Variants in USP34 observed in about 807,000 individuals in gnomAD.
The protein encoded by USP34 is ubiquitin specific peptidase 34.
A neutral mutation model predicts 460.3 loss-of-function variants in USP34; 70 were observed. That is an observed-to-expected ratio of 0.15 (90% CI 0.13 to 0.19). The LOEUF is 0.19. Ranked by LOEUF, USP34 falls within the 10% of genes least tolerant of loss-of-function variation. The pLI, the probability that USP34 is intolerant of heterozygous loss-of-function variation, is 1.00. For synonymous variants in USP34, 1,647 were observed against 1,405.3 expected (o/e 1.17, Z -3.85); for missense variants, 3,985 against 4,236.2 (o/e 0.94, Z 1.65).
chr2:61,461,740 T>C (rs1352839175), intron 1 of USP34, among the ~76,000 whole-genome samples: 1 of 152,166 alleles, frequency 6.6e-6, no homozygotes, highest in East Asian at 1.9e-4. Context: ...AAGATCAATA[T>C]ATCCTTTCTG....
intron 58 of USP34, among the ~76,000 whole-genome samples, chr2:61,231,152 AGT>A (rs1209252468): frequency 6.6e-6 from 1 of 152,234 alleles, no homozygotes; most frequent in East Asian, 1.9e-4. Context: ...AAAGACTAAT[AGT>A]GTATGAGTCC....
chr2:61,440,387 C>G (rs896026701), intron 1 of USP34, among the ~76,000 whole-genome samples: 1 of 152,152 alleles, frequency 6.6e-6, no homozygotes, highest in Non-Finnish European at 1.5e-5. Context: ...AATGTCATGG[C>G]AGCTGTGCCC....
At chr2:61,280,639 G>A (rs937272212) in intron 38 of USP34, among the ~76,000 whole-genome samples, 2 of 151,994 alleles carry the variant, frequency 1.3e-5, no homozygotes, top group East Asian at 1.9e-4. Flanking sequence ...GAATTTCTGG[G>A]GTTAGTAAAA....
At chr2:61,397,537 C>T (rs572439938) in intron 3 of USP34, among the ~76,000 whole-genome samples, 14 of 152,030 alleles carry the variant, frequency 9.2e-5, no homozygotes, top group African/African-American at 2.7e-4. Flanking sequence ...AGGCCAAGGC[C>T]GGCGAATCAC....
In USP34 at chr2:61,223,293, A is replaced by C. The variant is rs1208344970; in HGVS notation, c.7599T>G (p.His2533Gln). ...LLVEQSRSER[H>Q]LTLSQTDMAA... ...CCATGTCAGTCTGTGATAATGTCAA[A>C]TGCCTGAAAGAAAATATTAGTGGAA... The change falls in exon 63 of 80, where the codon CAT becomes CAG. Residue 2533 changes from histidine to glutamine, a missense_variant. His to Gln is a conservative substitution (Grantham distance 24). Transcript: ENST00000398571. 5.6e-6 allele frequency: 9 copies of C among 1,613,494 alleles called. No homozygotes were observed. The African/African-American group carries it at 1.1e-4, about 19-fold the overall frequency.
intron 48 of USP34, among the ~76,000 whole-genome samples, chr2:61,254,836 G>C (rs550521528): frequency 1.3e-5 from 2 of 152,226 alleles, no homozygotes; most frequent in African/African-American, 4.8e-5. Context: ...CGCATTAGTA[G>C]AACAAGTATA....
intron 29 of USP34, among the ~76,000 whole-genome samples, chr2:61,298,137 T>G (rs537662720): frequency 6.6e-6 from 1 of 152,158 alleles, no homozygotes; most frequent in African/African-American, 2.4e-5. Flanking sequence ...AGATACTTTA[T>G]TTTTACTTTT....
rs945174356 is a variant in USP34 at position 61,363,050 on chromosome 2, T to C, written c.1251+7271A>G. ...CCCAATCAAAAATGGGCAAAAGACA[T>C]GAACAGACATTTCTCCGAAGCAAAT... On this transcript the variant is annotated intron_variant, in intron 10 of 79. Coordinates refer to ENST00000398571, the MANE Select transcript of USP34 (RefSeq NM_014709.4). 7.9e-5 allele frequency among the ~76,000 whole-genome samples: 12 copies of C among 152,198 alleles called. 1 individual carries two copies. The East Asian group carries it at 2.3e-3, about 29-fold the overall frequency.
intron 20 of USP34, among the ~76,000 whole-genome samples, chr2:61,329,693 G>A (rs1242164972): frequency 1.3e-5 from 2 of 152,130 alleles, no homozygotes; most frequent in Non-Finnish European, 2.9e-5. Context: ...CAGAATTCTT[G>A]TATATTTCAT....
intron 25 of USP34, among the ~76,000 whole-genome samples, chr2:61,313,947 T>C (rs978358457): frequency 6.6e-5 from 10 of 152,110 alleles, no homozygotes; most frequent in African/African-American, 2.4e-4. Context: ...CTTAGTACTT[T>C]TACATTTGCT....
At chr2:61,287,176 A>G (rs1306485547) in intron 34 of USP34, among the ~76,000 whole-genome samples, 1 of 152,214 alleles carries the variant, frequency 6.6e-6, no homozygotes, top group Non-Finnish European at 1.5e-5. Context: ...AAATTCCAAA[A>G]AGGAAATCTG....
intron 19 of USP34, 36 bp downstream of exon 19, chr2:61,333,846 C>A: frequency 1.4e-6 from 2 of 1,380,912 alleles, no homozygotes; most frequent in South Asian, 1.5e-5. Context: ...AGAAAAAAAT[C>A]TTTAAAATAA....
At chr2:61,301,296 A>C in intron 28 of USP34, 58 bp downstream of exon 28, 1 of 1,564,380 alleles carries the variant, frequency 6.4e-7, no homozygotes, top group South Asian at 1.2e-5. Flanking sequence ...ATCTGCGACT[A>C]TTCAACTGAT....
intron 41 of USP34, among the ~76,000 whole-genome samples, chr2:61,269,308 T>G (rs1689144500): frequency 6.8e-6 from 1 of 146,898 alleles, no homozygotes; most frequent in African/African-American, 2.5e-5. Flanking sequence ...CTATAGATGC[T>G]CACCACCTTG....
chr2:61,371,296 C>T (rs1692616514), intron 8 of USP34, among the ~76,000 whole-genome samples: 2 of 151,964 alleles, frequency 1.3e-5, no homozygotes, highest in South Asian at 2.1e-4. Flanking sequence ...ATAGCATGTA[C>T]ATACAGTATA....
rs189252003 is a variant in USP34 at position 61,340,835 on chromosome 2, A to C, written c.2501-1154T>G. 2.9e-3 allele frequency among the ~76,000 whole-genome samples: 404 copies of C among 141,630 alleles called. 2 individuals carry two copies. The highest frequency in any genetic ancestry group is 5.1e-3 in the Non-Finnish European group (329 of 64,896). The allele number at this position is 141,630 out of a possible 152,430, so 92.9% of individuals were successfully genotyped here. ...TTTCATAGATATATAATTTTCAAAT[A>C]TTTCTTCTAGTCTGTGGCTTGTCTT... On this transcript the variant is annotated intron_variant, in intron 16 of 79. Coordinates refer to ENST00000398571, the MANE Select transcript of USP34 (RefSeq NM_014709.4).
intron 43 of USP34, among the ~76,000 whole-genome samples, chr2:61,262,501 C>T (rs1688921270): frequency 6.6e-6 from 1 of 152,108 alleles, no homozygotes; most frequent in African/African-American, 2.4e-5. Context: ...CATGTTTTTG[C>T]AAAAGACATG....
chr2:61,358,831 T>C (rs1022523083), intron 10 of USP34, among the ~76,000 whole-genome samples: 1 of 151,796 alleles, frequency 6.6e-6, no homozygotes, highest in African/African-American at 2.4e-5. Flanking sequence ...AAATGAACAA[T>C]CCGAAAAGAA....
intron 20 of USP34, among the ~76,000 whole-genome samples, chr2:61,326,662 G>A (rs1455084004): frequency 6.6e-6 from 1 of 151,800 alleles, no homozygotes; most frequent in Non-Finnish European, 1.5e-5. Context: ...TATTATTGCT[G>A]TTTTACAGAT....
Sources: gnomAD v4.1 joint callset for allele counts (sites outside exome capture counted in the v4.1 genomes callset) on GRCh38, gnomAD v4.1.1 for gene constraint, MANE v1.5 for transcripts, NCBI Gene and HGNC (gene_info 2026-07-23, HGNC 2026-07-21) for gene names.